RAB31: variants seen among roughly 807,000 people sequenced by gnomAD.
The protein encoded by RAB31 is RAB31, member RAS oncogene family.
RAB31 carries 21 observed loss-of-function variants against 25.6 expected under a neutral mutation model. The observed-to-expected ratio is 0.82, with a 90% CI of 0.58 to 1.18. The LOEUF is 1.18. Ranked by LOEUF, RAB31 falls within the 50% of genes most tolerant of loss-of-function variation. The probability of loss-of-function intolerance (pLI) is 0.00; values close to 1 mark genes in which losing one functional copy is unlikely to be tolerated. For synonymous variants in RAB31, 87 were observed against 84.0 expected (o/e 1.04, Z -0.20); for missense variants, 196 against 250.1 (o/e 0.78, Z 1.46).
chr18:9,823,595 A>G (rs2068634378), intron 5 of RAB31, among the ~76,000 whole-genome samples: 1 of 152,156 alleles, frequency 6.6e-6, no homozygotes, highest in African/African-American at 2.4e-5. Flanking sequence ...CTCAGTAAAA[A>G]ATCTGATTAA....
At chr18:9,758,901 G>A (rs982390251) in intron 1 of RAB31, among the ~76,000 whole-genome samples, 2 of 152,150 alleles carry the variant, frequency 1.3e-5, no homozygotes, top group Non-Finnish European at 2.9e-5. Context: ...GGCTGGGACC[G>A]CAAGACAGTG....
chr18:9,836,875 G>GAGA (rs2068707895), intron 5 of RAB31, among the ~76,000 whole-genome samples: 32 of 151,916 alleles, frequency 2.1e-4, no homozygotes, highest in Non-Finnish European at 4.3e-4. Context: ...GAGGCATGGG[G>GAGA]TGAAACACAG....
chr18:9,742,508 C>T (rs2068185031), intron 1 of RAB31, among the ~76,000 whole-genome samples: 1 of 152,176 alleles, frequency 6.6e-6, no homozygotes, highest in African/African-American at 2.4e-5. Flanking sequence ...ACGCTAGGGA[C>T]GTTCTACGTG....
intron 3 of RAB31, among the ~76,000 whole-genome samples, chr18:9,792,598 C>T (rs529700914): frequency 2.0e-5 from 3 of 152,198 alleles, no homozygotes; most frequent in Admixed American, 6.5e-5. Context: ...ATCTCTACAC[C>T]TACCTTCAGC....
chr18:9,770,031 G>T (rs2068336069), intron 1 of RAB31, among the ~76,000 whole-genome samples: 1 of 152,216 alleles, frequency 6.6e-6, no homozygotes. Flanking sequence ...GCGTCCCGGG[G>T]ATAAAGCCAA....
At chr18:9,804,253 G>T (rs187592494) in intron 3 of RAB31, among the ~76,000 whole-genome samples, 2 of 152,330 alleles carry the variant, frequency 1.3e-5, no homozygotes, top group East Asian at 1.9e-4. Flanking sequence ...CCCCTCCTTG[G>T]TGGGGACAGG....
intron 6 of RAB31, among the ~76,000 whole-genome samples, chr18:9,857,682 T>C (rs1460659244): frequency 7.8e-6 from 1 of 128,074 alleles, no homozygotes; most frequent in Non-Finnish European, 1.8e-5. Flanking sequence ...GATAGATAGA[T>C]AGATGATAGA....
In RAB31 at chr18:9,715,512, T is replaced by C. The variant is rs2068039794; in HGVS notation, c.39+7068T>C. Among the ~76,000 whole-genome samples, 5 of 150,546 alleles carry C rather than the reference T, an allele frequency of 3.3e-5. No individual in the cohort carries two copies. In the South Asian group the frequency reaches 1.1e-3, roughly 32 times the overall value. On this transcript the variant is annotated intron_variant, in intron 1 of 6. Coordinates refer to ENST00000578921, the MANE Select transcript of RAB31 (RefSeq NM_006868.4). The stretch of plus-strand genomic sequence containing the variant: ...GGAGTAACATTTTGTCACTTGTCCT[T>C]TGTCTCTCTCTCTCTCTTTTTTTTT...
chr18:9,746,274 A>G (rs2068205266), intron 1 of RAB31, among the ~76,000 whole-genome samples: 1 of 152,258 alleles, frequency 6.6e-6, no homozygotes, highest in Non-Finnish European at 1.5e-5. Context: ...CAAAGAAGAC[A>G]TAAGTAAATT....
At chr18:9,722,246 A>C (rs554318637) in intron 1 of RAB31, among the ~76,000 whole-genome samples, 1 of 152,254 alleles carries the variant, frequency 6.6e-6, no homozygotes, top group South Asian at 2.1e-4. Flanking sequence ...CTTAGCTTTT[A>C]TGAGATTGCC....
At chr18:9,794,274 C>T (rs2068475818) in intron 3 of RAB31, among the ~76,000 whole-genome samples, 1 of 152,218 alleles carries the variant, frequency 6.6e-6, no homozygotes, top group African/African-American at 2.4e-5. Context: ...TTTTCATTAT[C>T]ATCTCCTAAC....
intron 6 of RAB31, among the ~76,000 whole-genome samples, chr18:9,855,647 C>T (rs1180991511): frequency 1.3e-5 from 2 of 152,086 alleles, no homozygotes; most frequent in African/African-American, 4.8e-5. Context: ...GTTCTGGTTT[C>T]CTGGTGCAGG....
intron 1 of RAB31, among the ~76,000 whole-genome samples, chr18:9,761,240 C>G (rs1035353954): frequency 1.3e-5 from 2 of 152,184 alleles, no homozygotes; most frequent in African/African-American, 4.8e-5. Context: ...AGAATCAGTA[C>G]TCGCAGAGCA....
intron 2 of RAB31, among the ~76,000 whole-genome samples, chr18:9,783,012 A>G (rs2068413041): frequency 6.6e-6 from 1 of 152,210 alleles, no homozygotes; most frequent in Non-Finnish European, 1.5e-5. Flanking sequence ...AAAAAAAAGC[A>G]ATGATTGTCG....
intron 6 of RAB31, among the ~76,000 whole-genome samples, chr18:9,851,784 A>G (rs1359660103): frequency 1.3e-5 from 2 of 152,206 alleles, no homozygotes; most frequent in Non-Finnish European, 2.9e-5. Flanking sequence ...AAAAAGATCA[A>G]TCATTGAATG....
intron 5 of RAB31, among the ~76,000 whole-genome samples, chr18:9,832,249 C>T (rs995610016): frequency 5.9e-5 from 9 of 152,188 alleles, no homozygotes; most frequent in Non-Finnish European, 1.3e-4. Flanking sequence ...ATCACCCATG[C>T]CAGAGGTCAG....
chr18:9,787,848 G>C (rs148417191), intron 2 of RAB31: 1 of 152,330 alleles, frequency 6.6e-6, no homozygotes, highest in East Asian at 1.9e-4. Flanking sequence ...TGAAACCACA[G>C]AAATGTAATG....
chr18:9,845,829 C>A, intron 6 of RAB31, 138 bp downstream of exon 6: 1 of 1,322,636 alleles, frequency 7.6e-7, no homozygotes, highest in Non-Finnish European at 9.9e-7. Flanking sequence ...AAATCTACAG[C>A]TATGCAGTTG....
chr18:9,717,106 G>T (rs992993866), intron 1 of RAB31, among the ~76,000 whole-genome samples: 10 of 151,592 alleles, frequency 6.6e-5, no homozygotes, highest in African/African-American at 2.2e-4. Context: ...TTGAGACAGG[G>T]TCTTACTCTG....
Sources: allele counts gnomAD v4.1 joint callset (sites outside exome capture counted in the v4.1 genomes callset), GRCh38; gene constraint gnomAD v4.1.1; transcripts MANE v1.5; gene names NCBI Gene and HGNC (gene_info 2026-07-23, HGNC 2026-07-21).